The following MSH3 variants were observed in gnomAD, a reference collection of about 807,000 sequenced individuals.
MSH3 encodes the protein mutS homolog 3, also known as DNA mismatch repair protein Msh3.
A neutral mutation model predicts 123.3 loss-of-function variants in MSH3; 106 were observed. The observed-to-expected ratio is 0.86, with a 90% CI of 0.73 to 1.01. MSH3 has a LOEUF of 1.01. Among genes scored for constraint, MSH3 ranks in the 50% least tolerant of loss-of-function variants. The probability of loss-of-function intolerance (pLI) is 0.00; values close to 1 mark genes in which losing one functional copy is unlikely to be tolerated. For missense variants in MSH3, 1,459 were observed against 1,347.6 expected, an observed-to-expected ratio of 1.08 and a Z score of -1.29; for synonymous variants, 515 against 481.4, an observed-to-expected ratio of 1.07 and a Z score of -0.91.
chr5:80,676,502 TTC>T (rs1177518880), intron 7 of MSH3, among the ~76,000 whole-genome samples: 1 of 152,194 alleles, frequency 6.6e-6, no homozygotes, highest in Non-Finnish European at 1.5e-5. Context: ...TGAAAACTAA[TTC>T]TCTTTGCTTT....
At chr5:80,684,853 T>G (rs1208213126) in intron 8 of MSH3, among the ~76,000 whole-genome samples, 1 of 152,152 alleles carries the variant, frequency 6.6e-6, no homozygotes, top group Non-Finnish European at 1.5e-5. Context: ...CCCAGTTGTT[T>G]GAGAGTTTTT....
At chr5:80,772,106 T>G (rs916904855) in intron 15 of MSH3, among the ~76,000 whole-genome samples, 2 of 152,098 alleles carry the variant, frequency 1.3e-5, no homozygotes, top group African/African-American at 4.8e-5. Context: ...TAACCTTGAA[T>G]GAAATGTGGA....
At chr5:80,854,351 T>TA (rs1461680519) in intron 21 of MSH3, 35 bp downstream of exon 21, 2 of 1,560,038 alleles carry the variant, frequency 1.3e-6, no homozygotes, top group East Asian at 2.3e-5. Flanking sequence ...AAAAAGAAAT[T>TA]AATTTGTAAA....
intron 12 of MSH3, among the ~76,000 whole-genome samples, chr5:80,754,326 G>A (rs1743886361): frequency 6.6e-6 from 1 of 151,924 alleles, no homozygotes; most frequent in South Asian, 2.1e-4. Flanking sequence ...TTATTACATA[G>A]ATGGAGCCAT....
intron 3 of MSH3, among the ~76,000 whole-genome samples, chr5:80,667,483 G>T (rs4704676): frequency 1.3e-5 from 2 of 152,228 alleles, no homozygotes; most frequent in Admixed American, 1.3e-4. Context: ...GGCCTGCTGG[G>T]CTCATTCCTC....
intron 20 of MSH3, among the ~76,000 whole-genome samples, chr5:80,826,649 A>T (rs1465124144): frequency 1.3e-5 from 2 of 151,420 alleles, no homozygotes; most frequent in Non-Finnish European, 2.9e-5. Flanking sequence ...CCTGGGTTCA[A>T]GCGATTCTCC....
intron 15 of MSH3, among the ~76,000 whole-genome samples, chr5:80,770,399 A>G (rs957390173): frequency 9.9e-5 from 15 of 152,136 alleles, no homozygotes; most frequent in Non-Finnish European, 1.8e-4. Flanking sequence ...GTTAAAATAC[A>G]TGAAAGTGCT....
chr5:80,836,803 TG>T (rs1310098937), intron 20 of MSH3, among the ~76,000 whole-genome samples: 1 of 147,856 alleles, frequency 6.8e-6, no homozygotes, highest in African/African-American at 2.7e-5. Flanking sequence ...TATTTTGTAT[TG>T]TTTTTTATTT....
chr5:80,676,982 TCAG>T (rs1041076895), intron 7 of MSH3, among the ~76,000 whole-genome samples: 3 of 152,178 alleles, frequency 2.0e-5, no homozygotes, highest in Non-Finnish European at 4.4e-5. Flanking sequence ...GTCCTTTACT[TCAG>T]CAACCACTTT....
At chr5:80,731,766 T>G (rs1216466669) in intron 10 of MSH3, among the ~76,000 whole-genome samples, 1 of 152,196 alleles carries the variant, frequency 6.6e-6, no homozygotes, top group African/African-American at 2.4e-5. Context: ...TAATGTTGCT[T>G]CTTAAGGTGA....
intron 23 of MSH3, 141 bp from the exon 24 acceptor site, chr5:80,875,610 G>T: frequency 1.6e-6 from 1 of 612,776 alleles, no homozygotes; most frequent in Non-Finnish European, 2.9e-6. Context: ...CCTTTCACTG[G>T]AAGGGTGACA....
intron 8 of MSH3, among the ~76,000 whole-genome samples, chr5:80,704,744 A>G (rs1750681338): frequency 6.6e-6 from 1 of 152,234 alleles, no homozygotes; most frequent in Non-Finnish European, 1.5e-5. Flanking sequence ...ATGTAAAAAC[A>G]TTGAAATGAC....
chr5:80,857,939 T>C (rs1409874168), intron 21 of MSH3, among the ~76,000 whole-genome samples: 1 of 152,146 alleles, frequency 6.6e-6, no homozygotes, highest in Non-Finnish European at 1.5e-5. Context: ...TTTGCTCTTC[T>C]CTTTCTGGTG....
In MSH3 at chr5:80,876,423, C is replaced by G. The variant is rs1746308732; in HGVS notation, c.*561C>G. The G allele has an allele frequency of 6.0e-6, 1 of 166,784 alleles. No homozygotes were observed. The highest frequency in any genetic ancestry group is 1.3e-5 in the Non-Finnish European group (1 of 76,862). The allele number at this position is 166,784 out of a possible 1,614,324, so 10.3% of individuals were successfully genotyped here. A position where few individuals can be genotyped will look rare whatever the true frequency, so the allele number is the denominator to read the frequency against. ...TTCAAGACCAGCCTGGCCAACATGG[C>G]AAAACCCCATCTTTACTAAAAATAT... is the stretch of plus-strand genomic sequence containing the variant. On this transcript the variant is annotated 3_prime_UTR_variant, in exon 24 of 24. Transcript: ENST00000265081.
intron 11 of MSH3, 137 bp downstream of exon 11, chr5:80,741,685 C>T: frequency 2.8e-6 from 2 of 706,198 alleles, no homozygotes; most frequent in South Asian, 1.6e-5. Flanking sequence ...ATAACTGTAG[C>T]TCTTTTTGGA....
chr5:80,811,777 TATTAAAAAAGAG>T (rs563627101), intron 19 of MSH3, among the ~76,000 whole-genome samples: 77 of 149,440 alleles, frequency 5.2e-4, no homozygotes, highest in African/African-American at 1.6e-3. Context: ...GAGATAGACA[TATTAAAAAAGAG>T]ATTAAAAAGA....
intron 20 of MSH3, among the ~76,000 whole-genome samples, chr5:80,849,550 T>C (rs980417933): frequency 3.3e-5 from 5 of 152,220 alleles, no homozygotes; most frequent in Non-Finnish European, 7.3e-5. Flanking sequence ...TTGACTTTTG[T>C]GTACCTGCAG....
intron 8 of MSH3, among the ~76,000 whole-genome samples, chr5:80,709,611 G>C (rs953305208): frequency 1.3e-5 from 2 of 152,036 alleles, no homozygotes; most frequent in Admixed American, 1.3e-4. Flanking sequence ...CAGCCTGGGC[G>C]ACAGAGTGAA....
chr5:80,763,578 T>A (rs1244331266), intron 13 of MSH3, among the ~76,000 whole-genome samples: 2 of 152,200 alleles, frequency 1.3e-5, no homozygotes, highest in Non-Finnish European at 2.9e-5. Flanking sequence ...AAACAACAGA[T>A]CTCCAGGCAC....
Sources: allele counts gnomAD v4.1 joint callset (sites outside exome capture counted in the v4.1 genomes callset), GRCh38; gene constraint gnomAD v4.1.1; transcripts MANE v1.5; gene names NCBI Gene and HGNC (gene_info 2026-07-23, HGNC 2026-07-21).